The following DHX35 variants were observed in gnomAD, a reference collection of about 807,000 sequenced individuals.
DHX35 encodes the protein probable ATP-dependent RNA helicase DHX35.
In DHX35, 84 loss-of-function variants were observed where a neutral mutation model predicts 99.6. That is an observed-to-expected ratio of 0.84 (90% CI 0.71 to 1.01). The LOEUF (loss-of-function observed/expected upper bound fraction) is 1.01, where lower values mean the gene tolerates loss of function less well. Among genes scored for constraint, DHX35 ranks in the 50% least tolerant of loss-of-function variants. The pLI is 0.00. For synonymous variants in DHX35, 331 were observed against 316.2 expected (o/e 1.05, Z -0.50); for missense variants, 852 against 888.5 (o/e 0.96, Z 0.52).
intron 9 of DHX35, among the ~76,000 whole-genome samples, chr20:39,002,443 G>A (rs760414600): frequency 3.9e-5 from 6 of 152,244 alleles, no homozygotes; most frequent in Non-Finnish European, 7.3e-5. Context: ...GGGCTGGGAA[G>A]AGCGTGGGCT....
At position 38,983,884 on chromosome 20, in the gene DHX35, T is replaced by G; in HGVS notation, c.345+108T>G. On this transcript the variant is annotated intron_variant, in intron 4 of 21. Transcript: ENST00000252011. ...GAATAGAAGTTGCTCCTTAAGAGTTTAGGTCTTCAGTTTTTATGTTTTTTT... is the reference window on the plus strand; with the variant it reads ...GAATAGAAGTTGCTCCTTAAGAGTTGAGGTCTTCAGTTTTTATGTTTTTTT... 3 of 885,468 alleles carry G rather than the reference T, an allele frequency of 3.4e-6. No homozygotes were observed. In the South Asian group the frequency reaches 5.1e-5, roughly 15 times the overall value. 54.9% of individuals were successfully genotyped at this position (885,468 alleles called of 1,614,324 possible).
At chr20:38,971,685 G>A (rs978540203) in intron 2 of DHX35, among the ~76,000 whole-genome samples, 2 of 152,128 alleles carry the variant, frequency 1.3e-5, no homozygotes, top group Admixed American at 6.5e-5. Flanking sequence ...AAGTAGATAC[G>A]TGTTTGCCCT....
In DHX35 at chr20:39,028,539, A is replaced by C. The variant is rs751318454; in HGVS notation, c.1883+40A>C. On this transcript the variant is annotated intron_variant, in intron 19 of 21. Coordinates refer to ENST00000252011, the MANE Select transcript of DHX35 (RefSeq NM_021931.4). ...GGTGAAGTCATTTGTTAAAGGAACA[A>C]TCTTACAAATGACCCAAACCCCACA... The C allele has an allele frequency of 4.4e-6, 7 of 1,594,786 alleles. 1 individual carries two copies. In the South Asian group the frequency reaches 5.5e-5, roughly 13 times the overall value.
intron 15 of DHX35, among the ~76,000 whole-genome samples, chr20:39,020,656 C>CTTTTTTTTTTTTTTTTT (rs57246257): frequency 4.8e-5 from 5 of 105,224 alleles, no homozygotes; most frequent in Admixed American, 1.1e-4. Flanking sequence ...AAACAGGATT[C>CTTTTTTTTTTTTTTTTT]TTTTTTTTTT....
chr20:38,997,736 G>A (rs750039593), intron 8 of DHX35, among the ~76,000 whole-genome samples: 6 of 152,168 alleles, frequency 3.9e-5, no homozygotes, highest in Non-Finnish European at 8.8e-5. Flanking sequence ...AGGGGCCTAC[G>A]TGAGGTATGG....
intron 1 of DHX35, among the ~76,000 whole-genome samples, chr20:38,967,063 G>T (rs57328439): frequency 1.3e-5 from 2 of 152,254 alleles, no homozygotes; most frequent in South Asian, 4.1e-4. Flanking sequence ...ACACAACTCT[G>T]TTCCTGGAAG....
Position 39,034,302 on chromosome 20 carries a change from T to C in DHX35, c.2052T>C (p.Phe684=), listed in dbSNP as rs566700973. Residue 684 remains phenylalanine (F), a synonymous_variant, in exon 21 of 22, where the codon TTT becomes TTC. Coordinates refer to ENST00000252011, the MANE Select transcript of DHX35 (RefSeq NM_021931.4). ...GGCTGTTGGAGCTGGCTCCACACTT[T>C]TATCAACAAGGAACGGTAGGAATGA... ...SAWLLELAPH[F]YQQGTHLSLK... The C allele has an allele frequency of 2.5e-6, 4 of 1,614,062 alleles. No homozygotes were observed. In the East Asian group the frequency reaches 8.9e-5, roughly 36 times the overall value.
intron 8 of DHX35, among the ~76,000 whole-genome samples, chr20:38,997,919 C>G (rs1335045432): frequency 6.6e-6 from 1 of 152,154 alleles, no homozygotes; most frequent in Non-Finnish European, 1.5e-5. Flanking sequence ...GCGGCTGGGT[C>G]TGTGGGTGAC....
intron 1 of DHX35, among the ~76,000 whole-genome samples, chr20:38,964,021 G>GTCAC (rs1352572841): frequency 2.6e-5 from 4 of 152,302 alleles, no homozygotes; most frequent in African/African-American, 9.6e-5. Flanking sequence ...CCTACCCAAA[G>GTCAC]TAGTGTTGTG....
chr20:39,003,638 A>G (rs2086560609), intron 10 of DHX35, 111 bp from the exon 11 acceptor site: 4 of 1,313,006 alleles, frequency 3.0e-6, no homozygotes, highest in Admixed American at 4.4e-5. Flanking sequence ...AAATTCTTGA[A>G]TCTGACCAAA....
chr20:39,018,362 T>A lies in DHX35; in HGVS notation c.1403-442T>A, dbSNP rs146394508. Among the ~76,000 whole-genome samples the A allele has an allele frequency of 6.6e-5, 10 of 152,028 alleles. No homozygotes were observed. The East Asian group carries it at 1.9e-3, about 30-fold the overall frequency. On this transcript the variant is annotated intron_variant, in intron 14 of 21. Coordinates refer to ENST00000252011, the MANE Select transcript of DHX35 (RefSeq NM_021931.4). ...GGGCCGGGAGCTGGCGAAGAGTAGT[T>A]CCAAGAAGCAGCGGCCAGCAGAGCC...
chr20:38,998,082 T>C (rs182913418), intron 8 of DHX35, among the ~76,000 whole-genome samples: 44 of 152,374 alleles, frequency 2.9e-4, no homozygotes, highest in Admixed American at 5.2e-4. Flanking sequence ...GCTGATCGAA[T>C]AGCTGCTTTG....
At chr20:38,983,817 T>C (rs1394458235) in intron 4 of DHX35, 41 bp downstream of exon 4, 2 of 1,554,032 alleles carry the variant, frequency 1.3e-6, no homozygotes, top group South Asian at 2.3e-5. Flanking sequence ...ATCTGTGTTG[T>C]CTACATTTGT....
chr20:39,010,513 T>C (rs1478091098), intron 13 of DHX35, 109 bp downstream of exon 13: 19 of 1,450,620 alleles, frequency 1.3e-5, no homozygotes, highest in Non-Finnish European at 1.7e-5. Context: ...CCTACTCAGG[T>C]CATGTGTTGT....
intron 16 of DHX35, 97 bp downstream of exon 16, chr20:39,022,032 G>C: frequency 1.7e-6 from 2 of 1,192,618 alleles, no homozygotes; most frequent in Non-Finnish European, 2.5e-6. Context: ...AGACAGAGCT[G>C]TACAAATGTG....
intron 3 of DHX35, among the ~76,000 whole-genome samples, chr20:38,976,418 CT>C (rs11468335): frequency 0.015 from 1,954 of 133,146 alleles, 19 homozygotes; most frequent in African/African-American, 0.046. Flanking sequence ...TATGCCTTGA[CT>C]TTTTTTTTTT....
chr20:39,006,407 G>T, intron 12 of DHX35, 51 bp downstream of exon 12: 1 of 1,589,182 alleles, frequency 6.3e-7, no homozygotes, highest in East Asian at 2.3e-5. Flanking sequence ...GTCAGCCTGG[G>T]CAACAGAGTG....
chr20:39,032,025 TTA>T (rs1465624111), intron 20 of DHX35, among the ~76,000 whole-genome samples: 1 of 152,218 alleles, frequency 6.6e-6, no homozygotes, highest in South Asian at 2.1e-4. Flanking sequence ...ATGGTTAAGT[TTA>T]TGTTTGTCCA....
At chr20:38,977,180 A>G (rs556249122) in intron 3 of DHX35, among the ~76,000 whole-genome samples, 1 of 152,314 alleles carries the variant, frequency 6.6e-6, no homozygotes, top group Non-Finnish European at 1.5e-5. Flanking sequence ...ATTGTTGTCC[A>G]TAGTGGCTGT....
Sources: gnomAD v4.1 joint callset for allele counts (sites outside exome capture counted in the v4.1 genomes callset) on GRCh38, gnomAD v4.1.1 for gene constraint, MANE v1.5 for transcripts, NCBI Gene and HGNC (gene_info 2026-07-23, HGNC 2026-07-21) for gene names.